AK5: variants seen among roughly 807,000 people sequenced by gnomAD.
The protein encoded by AK5 is adenylate kinase 5.
Under a neutral mutation model 69.5 loss-of-function variants are expected in AK5, and 27 were observed. That is an observed-to-expected ratio of 0.39 (90% CI 0.29 to 0.54). The LOEUF is 0.54. AK5 is among the 20% of genes least tolerant of loss of function. The probability of loss-of-function intolerance (pLI) is 0.71; values close to 1 mark genes in which losing one functional copy is unlikely to be tolerated. For missense variants in AK5, 531 were observed against 700.4 expected (o/e 0.76, Z 2.73); for synonymous variants, 260 against 244.4 (o/e 1.06, Z -0.60).
intron 5 of AK5, among the ~76,000 whole-genome samples, chr1:77,311,785 A>G (rs12140227): frequency 0.099 from 15,001 of 152,114 alleles, 905 homozygotes; most frequent in Middle Eastern, 0.19. Flanking sequence ...CTTAGAGGCC[A>G]CTTTGAGGTG....
At chr1:77,369,344 G>C (rs1013545388) in intron 6 of AK5, among the ~76,000 whole-genome samples, 3 of 152,072 alleles carry the variant, frequency 2.0e-5, no homozygotes, top group African/African-American at 7.2e-5. Context: ...TCAAGATCCA[G>C]TTTTAAAATA....
chr1:77,513,729 A>C (rs1157225927), intron 10 of AK5, among the ~76,000 whole-genome samples: 1 of 152,134 alleles, frequency 6.6e-6, no homozygotes, highest in Non-Finnish European at 1.5e-5. Context: ...AGTCCCAGCT[A>C]CTCGGGAGGC....
At chr1:77,369,073 G>T (rs1445887260) in intron 6 of AK5, among the ~76,000 whole-genome samples, 2 of 152,004 alleles carry the variant, frequency 1.3e-5, no homozygotes, top group East Asian at 3.8e-4. Flanking sequence ...CACTATGTAT[G>T]CCATGAATAT....
intron 8 of AK5, among the ~76,000 whole-genome samples, chr1:77,448,075 G>A (rs1174553473): frequency 6.6e-6 from 1 of 152,190 alleles, no homozygotes; most frequent in African/African-American, 2.4e-5. Context: ...GAGGCCTACA[G>A]GTCCCCCTTG....
intron 5 of AK5, among the ~76,000 whole-genome samples, chr1:77,323,888 C>A (rs146577770): frequency 6.6e-6 from 1 of 152,306 alleles, no homozygotes; most frequent in African/African-American, 2.4e-5. Context: ...CCAAATCACT[C>A]ATACATTTCC....
At chr1:77,510,851 C>A (rs1198547119) in intron 10 of AK5, among the ~76,000 whole-genome samples, 1 of 151,648 alleles carries the variant, frequency 6.6e-6, no homozygotes, top group Non-Finnish European at 1.5e-5. Flanking sequence ...ATAAGGAAGA[C>A]AAAATTTTAA....
chr1:77,558,161 ACATC>A (rs1401336935), intron 13 of AK5, among the ~76,000 whole-genome samples: 2 of 152,228 alleles, frequency 1.3e-5, no homozygotes, highest in East Asian at 3.8e-4. Context: ...GTTGCTGTCA[ACATC>A]CATATGCAGG....
chr1:77,355,269 C>T (rs547634419), intron 6 of AK5, among the ~76,000 whole-genome samples: 4 of 152,272 alleles, frequency 2.6e-5, no homozygotes, highest in African/African-American at 4.8e-5. Flanking sequence ...CTCATTTCAT[C>T]GGTTCAATCT....
chr1:77,533,509 CAAAAAA>C (rs10526328), intron 12 of AK5, among the ~76,000 whole-genome samples: 9,042 of 94,768 alleles, frequency 0.095, 455 homozygotes, highest in East Asian at 0.17. Context: ...ACTCTGTCAC[CAAAAAA>C]AAAAAAAAAA....
At chr1:77,386,374 A>C (rs983923935) in intron 6 of AK5, among the ~76,000 whole-genome samples, 3 of 152,160 alleles carry the variant, frequency 2.0e-5, no homozygotes, top group Admixed American at 6.5e-5. Context: ...GCTTCAGTTC[A>C]TGGAGAAGGG....
At chr1:77,397,047 G>A (rs1057103451) in intron 6 of AK5, among the ~76,000 whole-genome samples, 1 of 152,182 alleles carries the variant, frequency 6.6e-6, no homozygotes, top group African/African-American at 2.4e-5. Context: ...CAGCTACCAG[G>A]TGTTAAAATC....
chr1:77,447,042 T>C (rs1313480673), intron 8 of AK5, among the ~76,000 whole-genome samples: 2 of 152,084 alleles, frequency 1.3e-5, no homozygotes, highest in Non-Finnish European at 2.9e-5. Context: ...ACTGCAAAAA[T>C]AAGAACAGGG....
rs182936691 is a variant in AK5, at chr1:77,425,757, T to A, written c.1059+8042T>A. Among the ~76,000 whole-genome samples the A allele has an allele frequency of 1.8e-3, 277 of 152,308 alleles. 2 individuals are homozygous for A. Among genetic ancestry groups the A allele is most frequent in the African/African-American group, 6.2e-3 (259 of 41,572 alleles). ...AAATAATAGCAACAATATATTTAAT[T>A]ATATATACTTATGATTCTGTATACA... On this transcript the variant is annotated intron_variant, in intron 8 of 13. Transcript: ENST00000354567.
At chr1:77,514,661 G>A (rs572028231) in intron 10 of AK5, among the ~76,000 whole-genome samples, 2 of 152,342 alleles carry the variant, frequency 1.3e-5, no homozygotes, top group East Asian at 3.9e-4. Context: ...TCCCACGAAA[G>A]TTTCTAACTG....
chr1:77,412,483 C>A (rs1650109989), intron 7 of AK5, among the ~76,000 whole-genome samples: 1 of 152,136 alleles, frequency 6.6e-6, no homozygotes, highest in Non-Finnish European at 1.5e-5. Context: ...TCTGCTTCAG[C>A]CTTAGAATAA....
chr1:77,413,469 C>T (rs974543248), intron 7 of AK5, among the ~76,000 whole-genome samples: 2 of 152,124 alleles, frequency 1.3e-5, no homozygotes, highest in African/African-American at 4.8e-5. Flanking sequence ...TTAGAGACTA[C>T]CATTGCTCTG....
At chr1:77,542,138 C>T (rs1659311030) in intron 13 of AK5, among the ~76,000 whole-genome samples, 1 of 152,040 alleles carries the variant, frequency 6.6e-6, no homozygotes, top group Non-Finnish European at 1.5e-5. Flanking sequence ...ACCAGCCTGG[C>T]CAACATGGCA....
At chr1:77,419,797 G>C (rs550275576) in intron 8 of AK5, among the ~76,000 whole-genome samples, 1 of 152,314 alleles carries the variant, frequency 6.6e-6, no homozygotes, top group Admixed American at 6.5e-5. Flanking sequence ...ACAGTTAATA[G>C]TTGAGAATTT....
intron 6 of AK5, among the ~76,000 whole-genome samples, chr1:77,371,101 C>T (rs2100475702): frequency 6.6e-6 from 1 of 152,272 alleles, no homozygotes; most frequent in East Asian, 1.9e-4. Flanking sequence ...ATTTACACTC[C>T]CTTTCCATTT....
Sources: allele counts gnomAD v4.1 joint callset (sites outside exome capture counted in the v4.1 genomes callset), GRCh38; gene constraint gnomAD v4.1.1; transcripts MANE v1.5; gene names NCBI Gene and HGNC (gene_info 2026-07-23, HGNC 2026-07-21).